Variants in DLG2 observed in about 807,000 individuals in gnomAD.
DLG2 encodes the protein disks large homolog 2.
Under a neutral mutation model 132.5 loss-of-function variants are expected in DLG2, and 45 were observed. The observed-to-expected ratio is 0.34, with a 90% CI of 0.27 to 0.44. The LOEUF is 0.44. DLG2 is among the 20% of genes least tolerant of loss of function. The pLI, the probability that DLG2 is intolerant of heterozygous loss-of-function variation, is 1.00. For missense variants in DLG2, 1,045 were observed against 1,196.9 expected (o/e 0.87, Z 1.87); for synonymous variants, 424 against 419.6 (o/e 1.01, Z -0.13).
chr11:84,138,880 G>T (rs868544081), intron 9 of DLG2, among the ~76,000 whole-genome samples: 10 of 151,128 alleles, frequency 6.6e-5, no homozygotes, highest in African/African-American at 2.2e-4. Context: ...ACCCAAGAGG[G>T]GGAAGTTGCA....
At chr11:84,546,537 C>G in intron 6 of DLG2, 1 of 349,404 alleles carries the variant, frequency 2.9e-6, no homozygotes. Flanking sequence ...ATCTTTTTCA[C>G]AGTTAAGTAG....
chr11:83,917,370 G>A (rs1339730854), intron 15 of DLG2, among the ~76,000 whole-genome samples: 1 of 152,146 alleles, frequency 6.6e-6, no homozygotes, highest in Non-Finnish European at 1.5e-5. Flanking sequence ...GTCTAGTCAT[G>A]CTCATTACAA....
intron 18 of DLG2, among the ~76,000 whole-genome samples, chr11:83,653,064 C>G (rs1470597912): frequency 6.6e-6 from 1 of 152,210 alleles, no homozygotes; most frequent in African/African-American, 2.4e-5. Flanking sequence ...GAACCCCAAT[C>G]TAATAACTTC....
intron 4 of DLG2, among the ~76,000 whole-genome samples, chr11:85,195,519 C>T (rs548936285): frequency 6.8e-6 from 1 of 146,128 alleles, no homozygotes; most frequent in African/African-American, 2.5e-5. Context: ...CTGAAAGTGA[C>T]AGTGTTTTTT....
At position 83,461,249 on chromosome 11, in the gene DLG2, G is replaced by T. The variant is rs1253096965; in HGVS notation, c.2821+753C>A. ...TGGTCTCGAACTCCTGACCTCAGGT[G>T]ATCCACCCACCTCAGCCTCCCAAAG... On this transcript the variant is annotated intron_variant, in intron 27 of 27. Coordinates refer to ENST00000376104, the MANE Select transcript of DLG2 (RefSeq NM_001142699.3). 2.0e-5 allele frequency among the ~76,000 whole-genome samples: 3 copies of T among 151,970 alleles called. No homozygotes were observed. The East Asian group carries it at 5.8e-4, about 29-fold the overall frequency.
intron 6 of DLG2, among the ~76,000 whole-genome samples, chr11:84,773,643 G>A (rs1943688): frequency 0.068 from 10,300 of 151,928 alleles, 476 homozygotes; most frequent in Non-Finnish European, 0.11. Flanking sequence ...CAAATAATAC[G>A]AAAATCAATA....
intron 15 of DLG2, among the ~76,000 whole-genome samples, chr11:83,900,755 A>G (rs1427727803): frequency 6.6e-6 from 1 of 152,166 alleles, no homozygotes; most frequent in Non-Finnish European, 1.5e-5. Context: ...GTGGAAGGGA[A>G]GTGTGGGGTA....
At chr11:85,034,792 C>A (rs546102203) in intron 6 of DLG2, among the ~76,000 whole-genome samples, 2 of 152,202 alleles carry the variant, frequency 1.3e-5, no homozygotes, top group East Asian at 3.9e-4. Flanking sequence ...GTAATGTACT[C>A]CCATTTCCCA....
At chr11:84,074,754 T>C (rs539528012) in intron 10 of DLG2, among the ~76,000 whole-genome samples, 122 of 152,116 alleles carry the variant, frequency 8.0e-4, no homozygotes, top group African/African-American at 2.7e-3. Flanking sequence ...GGTCTCGATC[T>C]CCTGACCTCG....
intron 6 of DLG2, among the ~76,000 whole-genome samples, chr11:84,663,025 A>C (rs2099696233): frequency 6.6e-6 from 1 of 152,026 alleles, no homozygotes; most frequent in Non-Finnish European, 1.5e-5. Flanking sequence ...AGCCAACAAG[A>C]CCACTTTAAG....
chr11:84,790,153 G>T (rs2073592519), intron 6 of DLG2, among the ~76,000 whole-genome samples: 1 of 151,956 alleles, frequency 6.6e-6, no homozygotes, highest in African/African-American at 2.4e-5. Context: ...TTTTTTTTAG[G>T]AACTCTAAAA....
In DLG2 at chr11:84,507,823, G is replaced by A. The variant is rs115836914; in HGVS notation, c.519+26747C>T. Among the ~76,000 whole-genome samples, 390 of 152,284 alleles carry A rather than the reference G, an allele frequency of 2.6e-3. 2 individuals carry two copies. Among genetic ancestry groups the A allele is most frequent in the African/African-American group, 8.8e-3 (364 of 41,574 alleles). On this transcript the variant is annotated intron_variant, in intron 7 of 27. Coordinates refer to ENST00000376104, the MANE Select transcript of DLG2 (RefSeq NM_001142699.3). ...GCCTTGAATCCCAGGAATAAAGCCT[G>A]CTTTATCACGGTGTATTAACTTTTT...
At chr11:83,838,091 C>T (rs1378189276) in intron 16 of DLG2, among the ~76,000 whole-genome samples, 1 of 151,940 alleles carries the variant, frequency 6.6e-6, no homozygotes, top group Non-Finnish European at 1.5e-5. Flanking sequence ...TGACATTTGT[C>T]CCTGTGCTAG....
intron 10 of DLG2, among the ~76,000 whole-genome samples, chr11:84,079,090 C>T (rs1042867332): frequency 1.3e-5 from 2 of 152,158 alleles, no homozygotes; most frequent in Non-Finnish European, 2.9e-5. Flanking sequence ...AAAGAGGACA[C>T]AGATGATTTA....
intron 15 of DLG2, among the ~76,000 whole-genome samples, chr11:83,907,004 G>A (rs545823680): frequency 6.6e-6 from 1 of 152,292 alleles, no homozygotes; most frequent in South Asian, 2.1e-4. Flanking sequence ...AGAAGGAAGA[G>A]CCAGTTTCTT....
At chr11:85,469,138 A>T (rs927387539) in intron 3 of DLG2, among the ~76,000 whole-genome samples, 1 of 152,178 alleles carries the variant, frequency 6.6e-6, no homozygotes, top group African/African-American at 2.4e-5. Flanking sequence ...CTCATATCCA[A>T]TCCATCAGCA....
At chr11:83,693,474 G>A (rs1441078846) in intron 18 of DLG2, among the ~76,000 whole-genome samples, 1 of 152,080 alleles carries the variant, frequency 6.6e-6, no homozygotes, top group African/African-American at 2.4e-5. Context: ...GTGTGGGAAC[G>A]GCGAAGGCAG....
chr11:85,108,437 A>T (rs2152308986), intron 6 of DLG2, among the ~76,000 whole-genome samples: 1 of 152,216 alleles, frequency 6.6e-6, no homozygotes, highest in Admixed American at 6.6e-5. Context: ...CACAAGGTGA[A>T]GATTTTCACT....
chr11:83,724,898 G>A (rs1452183319), intron 18 of DLG2: 1 of 702,484 alleles, frequency 1.4e-6, no homozygotes, highest in Admixed American at 2.0e-5. Context: ...AGCATAGCAG[G>A]CAGCTGCTTC....
Sources: gnomAD v4.1 joint callset for allele counts (sites outside exome capture counted in the v4.1 genomes callset) on GRCh38, gnomAD v4.1.1 for gene constraint, MANE v1.5 for transcripts, NCBI Gene and HGNC (gene_info 2026-07-23, HGNC 2026-07-21) for gene names.